UBAC2: variants seen among roughly 807,000 people sequenced by gnomAD.
UBAC2 encodes the protein UBA domain containing 2.
Under a neutral mutation model 44.0 loss-of-function variants are expected in UBAC2, and 26 were observed. That is an observed-to-expected ratio of 0.59 (90% CI 0.43 to 0.82). The LOEUF is 0.82. Ranked by LOEUF, UBAC2 falls within the 40% of genes least tolerant of loss-of-function variation. The pLI is 0.00. For missense variants in UBAC2, 329 were observed against 419.4 expected, an observed-to-expected ratio of 0.78 and a Z score of 1.88; for synonymous variants, 155 against 154.3, an observed-to-expected ratio of 1.00 and a Z score of -0.04.
At chr13:99,374,217 T>C (rs1160877192) in intron 8 of UBAC2, among the ~76,000 whole-genome samples, 3 of 152,190 alleles carry the variant, frequency 2.0e-5, no homozygotes, top group Non-Finnish European at 2.9e-5. Context: ...TTACTTCAGG[T>C]TGCTTTTTTT....
rs762939422 is a variant in UBAC2, at chr13:99,326,814, GACAC to G, written c.561+8747_561+8750del. 1.5e-3 allele frequency among the ~76,000 whole-genome samples: 226 copies of G among 152,250 alleles called. 1 individual carries two copies. The highest frequency in any genetic ancestry group is 6.8e-3 in the Middle Eastern group (2 of 294). ...GTCTCTTCCAGCCACGAGATGCACAGACACAGTTATTCTTAAAGTTTCCCTTAGC... is the reference window on the plus strand; with the variant it reads ...GTCTCTTCCAGCCACGAGATGCACAGAGTTATTCTTAAAGTTTCCCTTAGC... On this transcript the variant is annotated intron_variant, in intron 6 of 8. Transcript: ENST00000403766.
At chr13:99,262,781 G>C (rs1443845025) in intron 4 of UBAC2, among the ~76,000 whole-genome samples, 2 of 147,146 alleles carry the variant, frequency 1.4e-5, no homozygotes, top group Non-Finnish European at 3.0e-5. Flanking sequence ...GTGTTATCAG[G>C]TTATTTAAAC....
At chr13:99,335,378 GT>G (rs71215516) in intron 6 of UBAC2, among the ~76,000 whole-genome samples, 31,003 of 146,142 alleles carry the variant, frequency 0.21, 3,255 homozygotes, top group Middle Eastern at 0.24. Flanking sequence ...ATTCATTACT[GT>G]TTTTTTTTTT....
chr13:99,218,619 G>A (rs985226386), intron 1 of UBAC2, among the ~76,000 whole-genome samples: 11 of 151,994 alleles, frequency 7.2e-5, no homozygotes, highest in Admixed American at 6.5e-4. Context: ...CACTCTGCCC[G>A]GTTGTCTGGG....
chr13:99,272,808 T>A (rs772507419), intron 4 of UBAC2, among the ~76,000 whole-genome samples: 31 of 152,058 alleles, frequency 2.0e-4, no homozygotes, highest in Non-Finnish European at 4.0e-4. Context: ...CTTCAACATA[T>A]GAATTTAGGG....
intron 1 of UBAC2, among the ~76,000 whole-genome samples, chr13:99,220,042 C>A (rs1033050014): frequency 3.9e-5 from 6 of 152,050 alleles, no homozygotes; most frequent in Admixed American, 3.3e-4. Context: ...AAAAAAAAAT[C>A]CTGTGTTTTC....
chr13:99,212,595 G>A (rs766681086), intron 1 of UBAC2, among the ~76,000 whole-genome samples: 1 of 152,140 alleles, frequency 6.6e-6, no homozygotes, highest in Non-Finnish European at 1.5e-5. Context: ...CTTTGCAGCC[G>A]TACAACAGAG....
chr13:99,270,990 C>G (rs1036624649), intron 4 of UBAC2, among the ~76,000 whole-genome samples: 2 of 152,146 alleles, frequency 1.3e-5, no homozygotes, highest in Admixed American at 6.5e-5. Flanking sequence ...AATCTTTTTG[C>G]ATTCTCTTTT....
chr13:99,254,596 AT>A (rs781302368), intron 4 of UBAC2: 8 of 245,890 alleles, frequency 3.3e-5, no homozygotes, highest in Non-Finnish European at 3.1e-5. Flanking sequence ...TGGTAGCTCG[AT>A]TTCCCCCCTA....
intron 1 of UBAC2, among the ~76,000 whole-genome samples, chr13:99,209,744 C>T (rs1257183825): frequency 1.3e-5 from 2 of 152,154 alleles, no homozygotes; most frequent in Admixed American, 6.5e-5. Context: ...GAGGCCAAGG[C>T]GGGTGGATCA....
At chr13:99,244,107 A>G (rs994538750) in intron 3 of UBAC2, among the ~76,000 whole-genome samples, 156 bp downstream of exon 3, 2 of 152,206 alleles carry the variant, frequency 1.3e-5, no homozygotes, top group Admixed American at 6.5e-5. Context: ...CATTAACCAA[A>G]GAAAATTTTA....
In UBAC2 at chr13:99,255,034, C is replaced by G. The variant is rs777935684; in HGVS notation, c.389+10410C>G. On this transcript the variant is annotated intron_variant, in intron 4 of 8. Transcript: ENST00000403766. ...GATGTAGTAGAGAATCACATCCAGA[C>G]ACGTGCTGAGGTTCATGAGGAAGGT... The G allele has an allele frequency of 4.3e-6, 7 of 1,614,022 alleles. No homozygotes were observed. The East Asian group carries it at 1.6e-4, about 36-fold the overall frequency.
At chr13:99,255,979 A>C (rs577819461) in intron 4 of UBAC2, 1 of 1,060,994 alleles carries the variant, frequency 9.4e-7, no homozygotes, top group African/African-American at 1.6e-5. Flanking sequence ...TCTCCCACTC[A>C]GCTTGACTGC....
intron 4 of UBAC2, among the ~76,000 whole-genome samples, chr13:99,263,517 G>A (rs1295430192): frequency 6.6e-6 from 1 of 152,224 alleles, no homozygotes; most frequent in African/African-American, 2.4e-5. Flanking sequence ...TGCTGGCAAG[G>A]ATGTTGAGTG....
At chr13:99,276,449 G>A (rs1000724166) in intron 4 of UBAC2, among the ~76,000 whole-genome samples, 1 of 152,156 alleles carries the variant, frequency 6.6e-6, no homozygotes, top group Non-Finnish European at 1.5e-5. Context: ...TACGTTTATT[G>A]GTTTATTATA....
chr13:99,325,459 A>G (rs921970979), intron 6 of UBAC2, among the ~76,000 whole-genome samples: 3 of 152,180 alleles, frequency 2.0e-5, no homozygotes, highest in Non-Finnish European at 4.4e-5. Context: ...TCTTCCAACT[A>G]TATCCCCTAT....
intron 1 of UBAC2, among the ~76,000 whole-genome samples, chr13:99,212,406 A>G (rs1370651197): frequency 2.0e-5 from 3 of 152,168 alleles, no homozygotes; most frequent in Admixed American, 6.5e-5. Flanking sequence ...AAGGCTTTCT[A>G]AGTTACATTG....
At chr13:99,351,002 C>T (rs2045077663) in intron 7 of UBAC2, among the ~76,000 whole-genome samples, 1 of 152,156 alleles carries the variant, frequency 6.6e-6, no homozygotes, top group South Asian at 2.1e-4. Flanking sequence ...AGGAAGAAAA[C>T]AGTGTTGTTT....
At chr13:99,364,761 G>A (rs1466520796) in intron 7 of UBAC2, among the ~76,000 whole-genome samples, 1 of 152,130 alleles carries the variant, frequency 6.6e-6, no homozygotes, top group African/African-American at 2.4e-5. Context: ...GAGAGATTCA[G>A]CCATATTGTT....
Sources: gnomAD v4.1 joint callset for allele counts (sites outside exome capture counted in the v4.1 genomes callset) on GRCh38, gnomAD v4.1.1 for gene constraint, MANE v1.5 for transcripts, NCBI Gene and HGNC (gene_info 2026-07-23, HGNC 2026-07-21) for gene names.